The following GRIN3B variants were observed in gnomAD, a reference collection of about 807,000 sequenced individuals.
The protein encoded by GRIN3B is glutamate receptor ionotropic, NMDA 3B.
Under a neutral mutation model 66.0 loss-of-function variants are expected in GRIN3B, and 77 were observed. That is an observed-to-expected ratio of 1.17 (90% CI 0.97 to 1.41). The LOEUF (loss-of-function observed/expected upper bound fraction) is 1.41, where lower values mean the gene tolerates loss of function less well. GRIN3B is among the 40% of genes most tolerant of loss of function. The probability of loss-of-function intolerance (pLI) is 0.00; values close to 1 mark genes in which losing one functional copy is unlikely to be tolerated. For synonymous variants in GRIN3B, 823 were observed against 749.7 expected (o/e 1.10, Z -1.60); for missense variants, 1,787 against 1,564.5 (o/e 1.14, Z -2.40).
rs770781127 is a variant in GRIN3B at position 1,008,683 on chromosome 19, C to A, written c.2532C>A (p.Ser844Arg). Residue 844 changes from serine (S) to arginine (R), a missense_variant, in exon 7 of 9, where the codon AGC (serine) becomes AGA (arginine). By Grantham distance (110) the Ser-to-Arg change is moderately radical. Coordinates refer to ENST00000234389, the MANE Select transcript of GRIN3B (RefSeq NM_138690.3). ...TGTTGCTGTGCCTGGGCCTGGGCAG[C>A]GCTCTGCTCAGCTCGCTGGGCGAGC... Reference protein sequence around the residue: ...LFVLLCLGLGSALLSSLGEHA... With the variant: ...LFVLLCLGLGRALLSSLGEHA... 6.2e-7 allele frequency: 1 copy of A among 1,606,090 alleles called. No individual in the cohort carries two copies. The highest frequency in any genetic ancestry group is 8.5e-7 in the Non-Finnish European group (1 of 1,179,794).
rs2038768816 is a variant in GRIN3B, at chr19:1,007,746, C to G, written c.2171C>G (p.Thr724Ser). The G allele has an allele frequency of 7.2e-6, 11 of 1,520,500 alleles. No individual in the cohort carries two copies. The highest frequency in any genetic ancestry group is 8.8e-6 in the Non-Finnish European group (10 of 1,135,514). The allele number at this position is 1,520,500 out of a possible 1,614,324, so 94.2% of individuals were successfully genotyped here. A position where few individuals can be genotyped will look rare whatever the true frequency, so the allele number is the denominator to read the frequency against. The change falls in exon 4 of 9, where the codon ACC becomes AGC. Residue 724 changes from threonine (T) to serine (S), a missense_variant. Transcript: ENST00000234389. This position sits in a 1 kb window ranked among gnomAD's most constrained non-coding sequence, Gnocchi z 4.4. ...HAHMRRHSAP[T>S]TPRGVAMLTS... is the part of the protein sequence containing the mutation. The stretch of plus-strand genomic sequence containing the variant: ...CACATGCGGCGCCACAGCGCGCCCA[C>G]CACGCCCCGCGGCGTCGCCATGCTC...
Position 1,005,287 on chromosome 19 carries a change from G to C in GRIN3B, c.1786G>C (p.Glu596Gln), listed in dbSNP as rs745623964. Reference protein sequence around the residue: ...HLTALFLTVYEWRSPYGLTPR... With the variant: ...HLTALFLTVYQWRSPYGLTPR... ...CACCGCGCTCTTCCTCACCGTGTAC[G>C]AGTGGCGTAGCCCCTACGGCCTCAC... Residue 596 changes from glutamate to glutamine, a missense_variant, in exon 3 of 9, where the codon GAG (glutamate) becomes CAG (glutamine). Physicochemically the swap from Glu to Gln is conservative, Grantham distance 29. Transcript: ENST00000234389. The surrounding 1 kb of genome is among the most constrained non-coding windows in gnomAD (Gnocchi z 5.2). 5.0e-6 allele frequency: 8 copies of C among 1,613,516 alleles called. No individual in the cohort carries two copies. The African/African-American group carries it at 8.0e-5, about 16-fold the overall frequency.
At position 1,009,334 on chromosome 19, in the gene GRIN3B, C is replaced by G. The variant is rs764089411; in HGVS notation, c.2864C>G (p.Ala955Gly). Residue 955 changes from alanine to glycine, a missense_variant, in exon 9 of 9, where the codon GCG becomes GGG. Coordinates refer to ENST00000234389, the MANE Select transcript of GRIN3B (RefSeq NM_138690.3). ...GAAGCGGACGCGGAGGCGGAGGCTG[C>G]GCCGCGAGAGGGCCCCGTCTGGCTG... is the stretch of plus-strand genomic sequence containing the variant. ...APEADAEAEA[A>G]PREGPVWLCS... 2 of 1,396,240 alleles carry G rather than the reference C, an allele frequency of 1.4e-6. No homozygotes were observed. The highest frequency in any genetic ancestry group is 3.1e-5 in the South Asian group (2 of 64,102). 86.5% of individuals were successfully genotyped at this position (1,396,240 alleles called of 1,614,324 possible). A position where few individuals can be genotyped will look rare whatever the true frequency, so the allele number is the denominator to read the frequency against.
Position 1,005,726 on chromosome 19 carries a change from G to T in GRIN3B, c.2052+173G>T, listed in dbSNP as rs965186921. Among the ~76,000 whole-genome samples, 10 of 152,148 alleles carry T rather than the reference G, an allele frequency of 6.6e-5. No homozygotes were observed. Among genetic ancestry groups the T allele is most frequent in the Non-Finnish European group, 5.9e-5 (4 of 68,038 alleles). On this transcript the variant is annotated intron_variant, in intron 3 of 8. Coordinates refer to ENST00000234389, the MANE Select transcript of GRIN3B (RefSeq NM_138690.3). This position sits in a 1 kb window ranked among gnomAD's most constrained non-coding sequence, Gnocchi z 5.2. ...TTTATTTAAAGAAAAATAGCCGGGC[G>T]CGGTGGCTCACGCCTGTAATCCCAG... is the stretch of plus-strand genomic sequence containing the variant.
At chr19:1,004,084 C>A (rs772277061) in intron 2 of GRIN3B, among the ~76,000 whole-genome samples, 6 of 152,218 alleles carry the variant, frequency 3.9e-5, no homozygotes, top group Non-Finnish European at 7.3e-5. Context: ...GACCCTGTCT[C>A]AAACACACAA....
At chr19:1,004,067 C>T (rs1345466963) in intron 2 of GRIN3B, among the ~76,000 whole-genome samples, 1 of 152,188 alleles carries the variant, frequency 6.6e-6, no homozygotes, top group East Asian at 1.9e-4. Context: ...CCAGCCTGGG[C>T]AACAGGGACC....
Position 1,009,246 on chromosome 19 carries a change from C to T in GRIN3B, c.2776C>T (p.Arg926Trp), listed in dbSNP as rs772720199. 5.6e-6 allele frequency: 8 copies of T among 1,439,728 alleles called. No homozygotes were observed. In the Admixed American group the frequency reaches 1.2e-4, roughly 21 times the overall value. The allele number at this position is 1,439,728 out of a possible 1,614,324, so 89.2% of individuals were successfully genotyped here. A position where few individuals can be genotyped will look rare whatever the true frequency, so the allele number is the denominator to read the frequency against. ...TCCGGAGGGCTGGAAACGGGCGCGC[C>T]GGGCCGTGGACAAGGAGCGCCGCGT... Reference protein sequence around the residue: ...TAPEGWKRARRAVDKERRVRF... With the variant: ...TAPEGWKRARWAVDKERRVRF... The change falls in exon 9 of 9, where the codon CGG becomes TGG. Residue 926 changes from arginine to tryptophan, a missense_variant. Physicochemically the swap from Arg to Trp is moderately radical, Grantham distance 101. Coordinates refer to ENST00000234389, the MANE Select transcript of GRIN3B (RefSeq NM_138690.3).
In GRIN3B at chr19:1,008,243, G is replaced by T; in HGVS notation, c.2418G>T (p.Lys806Asn). 1 of 1,611,610 alleles carries T rather than the reference G, an allele frequency of 6.2e-7. No homozygotes were observed. Among genetic ancestry groups the T allele is most frequent in the Non-Finnish European group, 8.5e-7 (1 of 1,179,120 alleles). The change falls in exon 6 of 9, where the codon AAG becomes AAT. Residue 806 changes from lysine (K) to asparagine (N), a missense_variant. Transcript: ENST00000234389. Reference sequence around the variant, plus strand: ...GCTTCATCGACCTGCTCCACGACAAGTGGTACAAGATGGTGCCTTGCGGCA... The same window carrying T: ...GCTTCATCGACCTGCTCCACGACAATTGGTACAAGATGGTGCCTTGCGGCA... Reference protein sequence around the residue: ...SSGFIDLLHDKWYKMVPCGKR... With the variant: ...SSGFIDLLHDNWYKMVPCGKR...
Position 1,003,497 on chromosome 19 carries a change from C to T in GRIN3B, c.794C>T (p.Pro265Leu), listed in dbSNP as rs754863215. 134 of 1,535,680 alleles carry T rather than the reference C, an allele frequency of 8.7e-5. No individual in the cohort carries two copies. The highest frequency in any genetic ancestry group is 1.5e-4 in the South Asian group (13 of 84,006). The change falls in exon 2 of 9, where the codon CCG (proline) becomes CTG (leucine). Residue 265 changes from proline (P) to leucine (L), a missense_variant. Pro to Leu is a moderately conservative substitution (Grantham distance 98). Coordinates refer to ENST00000234389, the MANE Select transcript of GRIN3B (RefSeq NM_138690.3). ...CACTGGCTGTTGGGGACACCACTGCCGCCCAAGGCCCTGCCCACCGCGGGG... is the reference window on the plus strand; with the variant it reads ...CACTGGCTGTTGGGGACACCACTGCTGCCCAAGGCCCTGCCCACCGCGGGG... ...GPHWLLGTPL[P>L]PKALPTAGLP...
At position 1,000,779 on chromosome 19, in the gene GRIN3B, G is replaced by A; in HGVS notation, c.342G>A (p.Leu114=). 2 of 1,448,984 alleles carry A rather than the reference G, an allele frequency of 1.4e-6. No individual in the cohort carries two copies. The highest frequency in any genetic ancestry group is 1.8e-6 in the Non-Finnish European group (2 of 1,107,726). The allele number at this position is 1,448,984 out of a possible 1,614,324, so 89.8% of individuals were successfully genotyped here. The change falls in exon 1 of 9, where the codon CTG becomes CTA. Residue 114 remains leucine, a synonymous_variant. Coordinates refer to ENST00000234389, the MANE Select transcript of GRIN3B (RefSeq NM_138690.3). ...TTCCCGAGGCTCGGCCCGAGCTGCT[G>A]CAGCTGCACTTCCTGGCGGCGGCCA... ...LAFPEARPEL[L]QLHFLAAATE...
In GRIN3B at chr19:1,009,521, CCGGCCTCGGCGCTTGCTTCAGGCCAGAG is replaced by C; in HGVS notation, c.3057_3084del (p.Arg1020ProfsTer56). 6.7e-7 allele frequency: 1 copy of C among 1,491,098 alleles called. No homozygotes were observed. The highest frequency in any genetic ancestry group is 8.9e-7 in the Non-Finnish European group (1 of 1,125,750). 92.4% of individuals were successfully genotyped at this position (1,491,098 alleles called of 1,614,324 possible). A position where few individuals can be genotyped will look rare whatever the true frequency, so the allele number is the denominator to read the frequency against. ...CACAGCTCGGGGACAGCGCACGTCACCGGCCTCGGCGCTTGCTTCAGGCCAGAGCGGCCCCCGCGGAGGCCCCACCACA... is the reference window on the plus strand; with the variant it reads ...CACAGCTCGGGGACAGCGCACGTCACCGGCCCCCGCGGAGGCCCCACCACA... On this transcript the variant is annotated frameshift_variant, in exon 9 of 9. Coordinates refer to ENST00000234389, the MANE Select transcript of GRIN3B (RefSeq NM_138690.3). LOFTEE classifies it low-confidence loss of function (END_TRUNC).
Position 1,008,727 on chromosome 19 carries a change from C to A in GRIN3B, c.2576C>A (p.Ala859Glu). The A allele has an allele frequency of 1.4e-5, 22 of 1,608,348 alleles. No individual in the cohort carries two copies. The highest frequency in any genetic ancestry group is 1.9e-5 in the Non-Finnish European group (22 of 1,178,666). The change falls in exon 7 of 9, where the codon GCG becomes GAG. Residue 859 changes from alanine to glutamate, a missense_variant. By Grantham distance (107) the Ala-to-Glu change is moderately radical (BLOSUM62 -1). Transcript: ENST00000234389. ...SLGEHAFFRLALPRIRKGSRL... is the reference protein window; with the variant it reads ...SLGEHAFFRLELPRIRKGSRL... ...GGCGAGCACGCCTTCTTCCGCCTGG[C>A]GCTGCCGCGCATCCGCAAGGGGAGC...
chr19:1,005,873 G>A lies in GRIN3B; in HGVS notation c.2052+320G>A, dbSNP rs1330762369. On this transcript the variant is annotated intron_variant, in intron 3 of 8. Coordinates refer to ENST00000234389, the MANE Select transcript of GRIN3B (RefSeq NM_138690.3). This position sits in a 1 kb window ranked among gnomAD's most constrained non-coding sequence, Gnocchi z 5.2. ...CAAAGAATTAGCTGAGCATGGTGGT[G>A]GGCACCTGTAATCCCAGCTACTCGG... Among the ~76,000 whole-genome samples the A allele has an allele frequency of 2.0e-5, 3 of 151,956 alleles. No homozygotes were observed. Among genetic ancestry groups the A allele is most frequent in the African/African-American group, 7.2e-5 (3 of 41,402 alleles).
rs967264827 is a variant in GRIN3B at position 1,005,039 on chromosome 19, G to T, written c.1538G>T (p.Trp513Leu). 2 of 1,611,560 alleles carry T rather than the reference G, an allele frequency of 1.2e-6. No individual in the cohort carries two copies. The highest frequency in any genetic ancestry group is 3.3e-5 in the Admixed American group (2 of 59,924). ...GKYGALRDGR[W>L]TGLVGDLLAG... ...TACGGCGCCCTGCGGGACGGCCGCT[G>T]GACCGGCCTGGTCGGGGACCTGCTG... Residue 513 changes from tryptophan to leucine, a missense_variant, in exon 3 of 9, where the codon TGG becomes TTG. Trp to Leu is a moderately conservative substitution (Grantham distance 61, BLOSUM62 -2). Coordinates refer to ENST00000234389, the MANE Select transcript of GRIN3B (RefSeq NM_138690.3). This position sits in a 1 kb window ranked among gnomAD's most constrained non-coding sequence, Gnocchi z 5.2.
chr19:1,008,264 CG>C lies in GRIN3B; in HGVS notation c.2441del (p.Gly814AlafsTer13). On this transcript the variant is annotated frameshift_variant, in exon 6 of 9. Coordinates refer to ENST00000234389, the MANE Select transcript of GRIN3B (RefSeq NM_138690.3). LOFTEE classifies it high-confidence loss of function. ...ACAAGTGGTACAAGATGGTGCCTTGCGGCAAGCGGGTCTTTGCGGTTACAGA... is the reference window on the plus strand; with the variant it reads ...ACAAGTGGTACAAGATGGTGCCTTGCGCAAGCGGGTCTTTGCGGTTACAGA... Reference protein sequence around the residue: ...HDKWYKMVPCGKRVFAVTETL... With the variant: ...HDKWYKMVPCXKRVFAVTETL... 1 of 1,455,774 alleles carries C rather than the reference CG, an allele frequency of 6.9e-7. No individual in the cohort carries two copies. The highest frequency in any genetic ancestry group is 9.2e-7 in the Non-Finnish European group (1 of 1,085,532). 90.2% of individuals were successfully genotyped at this position (1,455,774 alleles called of 1,614,324 possible). A position where few individuals can be genotyped will look rare whatever the true frequency, so the allele number is the denominator to read the frequency against.
chr19:1,005,184 C>T lies in GRIN3B; in HGVS notation c.1683C>T (p.Asp561=). ...TGGGCATCATGGTGCGGGCACGGGA[C>T]ACGGCCTCACCCATCGGTGCCTTTA... is the stretch of plus-strand genomic sequence containing the variant. The part of the protein sequence containing the change: ...TSLGIMVRAR[D]TASPIGAFMW... Residue 561 remains aspartate (D), a synonymous_variant, in exon 3 of 9, where the codon GAC becomes GAT. Transcript: ENST00000234389. This position sits in a 1 kb window ranked among gnomAD's most constrained non-coding sequence, Gnocchi z 5.2. 1 of 1,613,554 alleles carries T rather than the reference C, an allele frequency of 6.2e-7. No homozygotes were observed. Among genetic ancestry groups the T allele is most frequent in the South Asian group, 1.1e-5 (1 of 91,082 alleles).
Position 1,004,897 on chromosome 19 carries a change from G to GCATT in GRIN3B, c.1396_1397insCATT (p.Gly466AlafsTer18). ...CGCACTGTTCGCCGCGCTGGCCAAC[G>GCATT]GCTCAGCGCCCCGTGCCCTGCGCAA... On this transcript the variant is annotated frameshift_variant, in exon 3 of 9. Transcript: ENST00000234389. LOFTEE classifies it high-confidence loss of function. 6.2e-7 allele frequency: 1 copy of GCATT among 1,610,630 alleles called. No individual in the cohort carries two copies. Among genetic ancestry groups the GCATT allele is most frequent in the Non-Finnish European group, 8.5e-7 (1 of 1,178,502 alleles).
Position 1,000,780 on chromosome 19 carries a change from C to T in GRIN3B, c.343C>T (p.Gln115Ter), listed in dbSNP as rs1287708843. 21 of 1,450,788 alleles carry T rather than the reference C, an allele frequency of 1.4e-5. No individual in the cohort carries two copies. Among genetic ancestry groups the T allele is most frequent in the Non-Finnish European group, 1.8e-5 (20 of 1,108,866 alleles). The allele number at this position is 1,450,788 out of a possible 1,614,324, so 89.9% of individuals were successfully genotyped here. A position where few individuals can be genotyped will look rare whatever the true frequency, so the allele number is the denominator to read the frequency against. Residue 115 changes from glutamine (Q) to a stop codon, truncating the protein, a stop_gained, in exon 1 of 9, where the codon CAG (glutamine) becomes TAG (stop). Transcript: ENST00000234389. LOFTEE classifies it high-confidence loss of function. ...TCCCGAGGCTCGGCCCGAGCTGCTG[C>T]AGCTGCACTTCCTGGCGGCGGCCAC... ...AFPEARPELL[Q>*]LHFLAAATET...
intron 1 of GRIN3B, among the ~76,000 whole-genome samples, chr19:1,001,592 C>A (rs2038685095): frequency 6.6e-6 from 1 of 152,108 alleles, no homozygotes; most frequent in African/African-American, 2.4e-5. Flanking sequence ...AAGCCCCCTC[C>A]CGTGGCCAGC....
Sources: allele counts gnomAD v4.1 joint callset (sites outside exome capture counted in the v4.1 genomes callset), GRCh38; gene constraint gnomAD v4.1.1; non-coding constraint Gnocchi (gnomAD v3.1); transcripts MANE v1.5; gene names NCBI Gene and HGNC (gene_info 2026-07-23, HGNC 2026-07-21).